The following SEPTIN10 variants were observed in gnomAD, a reference collection of about 807,000 sequenced individuals.
SEPTIN10 encodes septin-10.
A neutral mutation model predicts 54.8 loss-of-function variants in SEPTIN10; 66 were observed. The ratio of observed to expected loss-of-function variants is 1.21; its 90% CI spans 0.99 to 1.48. SEPTIN10 has a LOEUF of 1.48. Among genes scored for constraint, SEPTIN10 ranks in the 40% most tolerant of loss-of-function variants. The probability of loss-of-function intolerance (pLI) is 0.00; values close to 1 mark genes in which losing one functional copy is unlikely to be tolerated. For synonymous variants in SEPTIN10, 161 were observed against 181.0 expected, an observed-to-expected ratio of 0.89 and a Z score of 0.89; for missense variants, 620 against 545.6, an observed-to-expected ratio of 1.14 and a Z score of -1.36.
intron 1 of SEPTIN10, among the ~76,000 whole-genome samples, chr2:109,599,855 TATC>T (rs936650318): frequency 1.3e-5 from 2 of 152,140 alleles, no homozygotes; most frequent in African/African-American, 2.4e-5. Context: ...ATAGAAAAAA[TATC>T]ATTTCTAATT....
In SEPTIN10 at chr2:109,545,898, G is replaced by C. The variant is rs547246916; in HGVS notation, c.1349+152C>G. 5.1e-4 allele frequency: 734 copies of C among 1,447,374 alleles called. 10 individuals carry two copies. In the South Asian group the frequency reaches 7.2e-3, roughly 14 times the overall value. The allele number at this position is 1,447,374 out of a possible 1,614,324, so 89.7% of individuals were successfully genotyped here. On this transcript the variant is annotated intron_variant, in intron 10 of 10. Transcript: ENST00000397712. ...GCTGGGGAAACAGCAGTGAACAAGA[G>C]GGACAAGGTCTCTCCTCTCCAGGAG... is the stretch of plus-strand genomic sequence containing the variant.
In SEPTIN10 at chr2:109,587,787, C is replaced by T. The variant is rs555841129; in HGVS notation, c.100-1949G>A. On this transcript the variant is annotated intron_variant, in intron 2 of 10. Transcript: ENST00000397712. ...AATTAGCCAGGTGTGGTGGCACGCA[C>T]CTGTAGTCCCAGCTACTCAGGAGGC... 4.6e-5 allele frequency among the ~76,000 whole-genome samples: 7 copies of T among 152,164 alleles called. No homozygotes were observed. In the South Asian group the frequency reaches 1.5e-3, roughly 32 times the overall value.
chr2:109,566,312 C>T (rs113307559), intron 6 of SEPTIN10, among the ~76,000 whole-genome samples: 2,515 of 151,740 alleles, frequency 0.017, 82 homozygotes, highest in African/African-American at 0.056. Flanking sequence ...GTAGAGACGG[C>T]GTTTCACCAT....
chr2:109,549,959 G>A (rs1682458800), intron 9 of SEPTIN10, among the ~76,000 whole-genome samples: 1 of 152,138 alleles, frequency 6.6e-6, no homozygotes, highest in African/African-American at 2.4e-5. Context: ...GGGGACTACT[G>A]TACAATGCTG....
intron 2 of SEPTIN10, among the ~76,000 whole-genome samples, chr2:109,589,031 A>G (rs955183134): frequency 6.6e-6 from 1 of 151,890 alleles, no homozygotes; most frequent in African/African-American, 2.4e-5. Flanking sequence ...CCCGAGTTTA[A>G]GTGATTCTTC....
intron 1 of SEPTIN10, among the ~76,000 whole-genome samples, chr2:109,598,879 C>CA (rs1187390086): frequency 2.1e-4 from 30 of 144,424 alleles, no homozygotes; most frequent in African/African-American, 3.4e-4. Flanking sequence ...GACTAGGTCT[C>CA]AAAAAAAAAT....
At position 109,553,170 on chromosome 2, in the gene SEPTIN10, G is replaced by A; in HGVS notation, c.1078C>T (p.Gln360Ter). 1 of 1,614,008 alleles carries A rather than the reference G, an allele frequency of 6.2e-7. No homozygotes were observed. The highest frequency in any genetic ancestry group is 1.3e-5 in the African/African-American group (1 of 75,006). The stretch of plus-strand genomic sequence containing the variant: ...TGTTTCATTTCTTCTTCCTTCCTCT[G>A]ACGTTCACCATGGAACTCATGTCTT... Reference protein sequence around the residue: ...AKRHEFHGERQRKEEEMKQMF... With the variant: ...AKRHEFHGER The change falls in exon 9 of 11, where the codon CAG (glutamine) becomes TAG (stop). Residue 360 changes from glutamine (Q) to a stop codon, truncating the protein, a stop_gained. Transcript: ENST00000397712. LOFTEE classifies it high-confidence loss of function.
intron 2 of SEPTIN10, among the ~76,000 whole-genome samples, chr2:109,590,623 G>C (rs1394757929): frequency 6.6e-6 from 1 of 152,056 alleles, no homozygotes; most frequent in Non-Finnish European, 1.5e-5. Context: ...GTAGAGACAA[G>C]GTTTCACGTC....
At chr2:109,611,676 G>A (rs1302795205) in intron 1 of SEPTIN10, among the ~76,000 whole-genome samples, 2 of 152,100 alleles carry the variant, frequency 1.3e-5, no homozygotes, top group Non-Finnish European at 2.9e-5. Flanking sequence ...CAGGAGGATC[G>A]CTTGAGCCCA....
At chr2:109,563,006 G>C (rs993562844) in intron 8 of SEPTIN10, among the ~76,000 whole-genome samples, 2 of 152,064 alleles carry the variant, frequency 1.3e-5, no homozygotes, top group African/African-American at 4.8e-5. Context: ...TGCCTCCCAG[G>C]TTCAAGTGAT....
intron 1 of SEPTIN10, among the ~76,000 whole-genome samples, chr2:109,611,224 T>C (rs973894161): frequency 6.6e-5 from 10 of 152,064 alleles, no homozygotes; most frequent in African/African-American, 2.2e-4. Flanking sequence ...ACATAAACTA[T>C]AAAACTTTTA....
At chr2:109,597,459 T>C (rs1428866988) in intron 1 of SEPTIN10, among the ~76,000 whole-genome samples, 1 of 152,222 alleles carries the variant, frequency 6.6e-6, no homozygotes, top group African/African-American at 2.4e-5. Context: ...TAGTAAGACA[T>C]GGTCCTGGAC....
chr2:109,554,430 G>A (rs1446548047), intron 8 of SEPTIN10, among the ~76,000 whole-genome samples: 1 of 152,092 alleles, frequency 6.6e-6, no homozygotes, highest in African/African-American at 2.4e-5. Context: ...CTCCAGTTCA[G>A]GGTCATGGGT....
intron 9 of SEPTIN10, among the ~76,000 whole-genome samples, chr2:109,548,115 C>G (rs556373129): frequency 6.8e-6 from 1 of 147,898 alleles, no homozygotes; most frequent in Non-Finnish European, 1.5e-5. Flanking sequence ...GTTCTGCATG[C>G]AGTTCAGAGA....
intron 10 of SEPTIN10, chr2:109,545,028 C>T: frequency 1.0e-6 from 1 of 985,394 alleles, no homozygotes; most frequent in East Asian, 1.1e-4. Flanking sequence ...AATTGAAAGC[C>T]ACCAATGGGC....
chr2:109,613,389 TC>T (rs1699705056), intron 1 of SEPTIN10: 1 of 326,614 alleles, frequency 3.1e-6, no homozygotes, highest in Admixed American at 3.8e-5. Flanking sequence ...CCGGGCTTTC[TC>T]CCGGCGGCAG....
intron 1 of SEPTIN10, chr2:109,613,133 G>A (rs1186673817): frequency 1.6e-6 from 2 of 1,277,282 alleles, no homozygotes; most frequent in Non-Finnish European, 2.0e-6. Flanking sequence ...TGGAAAACTC[G>A]ATGTACACGA....
At chr2:109,547,369 G>GTTTT (rs35573327) in intron 9 of SEPTIN10, among the ~76,000 whole-genome samples, 2 of 117,850 alleles carry the variant, frequency 1.7e-5, no homozygotes, top group African/African-American at 3.2e-5. Flanking sequence ...TAATAAACTT[G>GTTTT]TTTTTTTTTT....
intron 1 of SEPTIN10, among the ~76,000 whole-genome samples, chr2:109,602,192 A>G (rs189058947): frequency 3.8e-4 from 58 of 152,266 alleles, no homozygotes; most frequent in Admixed American, 1.7e-3. Flanking sequence ...ATCCCTTTCA[A>G]CTCAGATTTT....
Sources: gnomAD v4.1 joint callset for allele counts (sites outside exome capture counted in the v4.1 genomes callset) on GRCh38, gnomAD v4.1.1 for gene constraint, MANE v1.5 for transcripts, NCBI Gene and HGNC (gene_info 2026-07-23, HGNC 2026-07-21) for gene names.